GSAP: variants seen among roughly 807,000 people sequenced by gnomAD.
GSAP encodes gamma-secretase activating protein.
A neutral mutation model predicts 131.7 loss-of-function variants in GSAP; 118 were observed. That is an observed-to-expected ratio of 0.90 (90% CI 0.77 to 1.04). The LOEUF is 1.04. GSAP is among the 50% of genes least tolerant of loss of function. GSAP has a pLI of 0.00. For synonymous variants in GSAP, 381 were observed against 363.4 expected, an observed-to-expected ratio of 1.05 and a Z score of -0.55; for missense variants, 1,019 against 1,013.2, an observed-to-expected ratio of 1.01 and a Z score of -0.08.
intron 1 of GSAP, among the ~76,000 whole-genome samples, chr7:77,410,769 G>A (rs1353642303): frequency 6.6e-6 from 1 of 152,136 alleles, no homozygotes. Flanking sequence ...AAAAATTAAA[G>A]TATTTGTCTT....
chr7:77,314,607 C>T, intron 26 of GSAP, 118 bp from the exon 27 acceptor site: 1 of 1,101,000 alleles, frequency 9.1e-7, no homozygotes, highest in Non-Finnish European at 1.3e-6. Flanking sequence ...CTGGAACCAA[C>T]TGAATTTCTT....
At chr7:77,395,801 G>A (rs893370226) in intron 5 of GSAP, among the ~76,000 whole-genome samples, 2 of 152,196 alleles carry the variant, frequency 1.3e-5, no homozygotes, top group Admixed American at 6.5e-5. Flanking sequence ...GCAATGGCAG[G>A]AAAATACATC....
intron 3 of GSAP, among the ~76,000 whole-genome samples, chr7:77,398,387 T>C (rs541573950): frequency 2.6e-5 from 4 of 151,770 alleles, no homozygotes; most frequent in Middle Eastern, 3.4e-3. Flanking sequence ...CGGTTTCCTT[T>C]GACTCTTGCT....
chr7:77,376,916 G>C lies in GSAP; in HGVS notation c.682-9C>G. The C allele has an allele frequency of 2.2e-6, 3 of 1,388,616 alleles. No homozygotes were observed. Among genetic ancestry groups the C allele is most frequent in the Non-Finnish European group, 2.0e-6 (2 of 1,008,746 alleles). The allele number at this position is 1,388,616 out of a possible 1,614,324, so 86.0% of individuals were successfully genotyped here. On this transcript the variant is annotated splice_polypyrimidine_tract_variant and intron_variant, in intron 9 of 30. Transcript: ENST00000257626. ...AAGATACTCCTTGATTTCTAAAAGAGAAAACAGAATGGCATATTAAAAAAC... is the reference window on the plus strand; with the variant it reads ...AAGATACTCCTTGATTTCTAAAAGACAAAACAGAATGGCATATTAAAAAAC...
chr7:77,392,281 C>T (rs1005516554), intron 5 of GSAP, among the ~76,000 whole-genome samples: 2 of 150,804 alleles, frequency 1.3e-5, no homozygotes, highest in Non-Finnish European at 2.9e-5. Context: ...GACACAGTGG[C>T]TCATGCCTGT....
chr7:77,381,291 T>C lies in GSAP; in HGVS notation c.576+14A>G. ...AAAAAAACCTATGAAGCGAAAAGAA[T>C]TTCAAATCTTTACCACTCTATTTCC... On this transcript the variant is annotated intron_variant, in intron 8 of 30. Transcript: ENST00000257626. 1 of 1,500,250 alleles carries C rather than the reference T, an allele frequency of 6.7e-7. No individual in the cohort carries two copies. The highest frequency in any genetic ancestry group is 1.4e-5 in the African/African-American group (1 of 70,970). The allele number at this position is 1,500,250 out of a possible 1,614,324, so 92.9% of individuals were successfully genotyped here.
chr7:77,416,188 C>A, intron 1 of GSAP, 25 bp downstream of exon 1: 1 of 1,204,206 alleles, frequency 8.3e-7, no homozygotes, highest in South Asian at 1.6e-5. Context: ...CGCCCCCACC[C>A]CTCTCCGCAG....
intron 19 of GSAP, 134 bp downstream of exon 19, chr7:77,349,217 C>A: frequency 1.5e-6 from 1 of 666,804 alleles, no homozygotes. Flanking sequence ...AAGGATTCTC[C>A]AGAAAACCCA....
intron 5 of GSAP, among the ~76,000 whole-genome samples, chr7:77,391,773 T>A (rs1345876916): frequency 1.3e-5 from 2 of 152,164 alleles, no homozygotes; most frequent in Non-Finnish European, 2.9e-5. Flanking sequence ...AGGTCGAGGC[T>A]ATAGTGAGCC....
At chr7:77,385,003 A>G (rs2151058120) in intron 6 of GSAP, among the ~76,000 whole-genome samples, 1 of 150,838 alleles carries the variant, frequency 6.6e-6, no homozygotes, top group South Asian at 2.1e-4. Flanking sequence ...CCTTTGGCCT[A>G]TAGATGCTGT....
In GSAP at chr7:77,393,639, C is replaced by T. The variant is rs545410337; in HGVS notation, c.367+3343G>A. 6.6e-5 allele frequency among the ~76,000 whole-genome samples: 10 copies of T among 150,808 alleles called. 1 individual carries two copies. The highest frequency in any genetic ancestry group is 2.2e-4 in the African/African-American group (9 of 41,048). Reference sequence around the variant, plus strand: ...TTTCTTATGTTCCCATGAAATCCGGCGGCATGCATGCATATATATATACAT... The same window carrying T: ...TTTCTTATGTTCCCATGAAATCCGGTGGCATGCATGCATATATATATACAT... On this transcript the variant is annotated intron_variant, in intron 5 of 30. Coordinates refer to ENST00000257626, the MANE Select transcript of GSAP (RefSeq NM_017439.4).
At chr7:77,388,534 T>C (rs866092043) in intron 5 of GSAP, among the ~76,000 whole-genome samples, 3 of 152,126 alleles carry the variant, frequency 2.0e-5, no homozygotes, top group Non-Finnish European at 2.9e-5. Flanking sequence ...TTACCAAAGA[T>C]ATCTAAATTT....
At chr7:77,342,963 C>T (rs1791236224) in intron 19 of GSAP, among the ~76,000 whole-genome samples, 1 of 152,140 alleles carries the variant, frequency 6.6e-6, no homozygotes, top group Non-Finnish European at 1.5e-5. Context: ...CCCATAGATC[C>T]TAAATCCTTT....
intron 19 of GSAP, among the ~76,000 whole-genome samples, chr7:77,341,417 C>T (rs996146929): frequency 1.3e-5 from 2 of 152,168 alleles, no homozygotes; most frequent in Non-Finnish European, 2.9e-5. Context: ...TTTATCACCT[C>T]GCCTCCTCAC....
intron 26 of GSAP, among the ~76,000 whole-genome samples, chr7:77,318,672 T>C (rs1441867420): frequency 1.3e-5 from 2 of 152,030 alleles, no homozygotes; most frequent in African/African-American, 2.4e-5. Flanking sequence ...AAGAATGAAA[T>C]GGGACCCTTA....
intron 5 of GSAP, among the ~76,000 whole-genome samples, chr7:77,388,003 C>T (rs1177332700): frequency 1.3e-5 from 2 of 152,176 alleles, no homozygotes; most frequent in South Asian, 2.1e-4. Flanking sequence ...CTATGATTTG[C>T]AAAAGCAGAC....
At chr7:77,330,742 G>A in intron 19 of GSAP, 4 of 987,884 alleles carry the variant, frequency 4.0e-6, no homozygotes, top group African/African-American at 1.7e-5. Context: ...CTTAGGTGGT[G>A]TCAACAGTGC....
chr7:77,416,157 G>T (rs1196767311), intron 1 of GSAP, 56 bp downstream of exon 1: 37 of 1,046,122 alleles, frequency 3.5e-5, no homozygotes, highest in Non-Finnish European at 4.7e-5. Context: ...AGTCCGGGGG[G>T]TATGAGGGAC....
intron 3 of GSAP, among the ~76,000 whole-genome samples, chr7:77,401,620 C>A (rs10269271): frequency 0.12 from 18,694 of 152,058 alleles, 1,664 homozygotes; most frequent in East Asian, 0.41. Context: ...AGAGAAAGGA[C>A]ATGATAAAAG....
Sources: gnomAD v4.1 joint callset for allele counts (sites outside exome capture counted in the v4.1 genomes callset) on GRCh38, gnomAD v4.1.1 for gene constraint, MANE v1.5 for transcripts, NCBI Gene and HGNC (gene_info 2026-07-23, HGNC 2026-07-21) for gene names.